The following ADCY9 variants were observed in gnomAD, a reference collection of about 807,000 sequenced individuals.
ADCY9 encodes the protein adenylate cyclase 9, also known as adenylate cyclase type 9.
In ADCY9, 50 loss-of-function variants were observed where a neutral mutation model predicts 101.5. The observed-to-expected ratio is 0.49, with a 90% confidence interval of 0.39 to 0.62. ADCY9 has a LOEUF of 0.62. Among genes scored for constraint, ADCY9 ranks in the 20% least tolerant of loss-of-function variants. ADCY9 has a pLI of 0.00. For missense variants in ADCY9, 1,662 were observed against 1,800.4 expected (o/e 0.92, Z 1.39); for synonymous variants, 905 against 769.3 (o/e 1.18, Z -2.92).
intron 3 of ADCY9, among the ~76,000 whole-genome samples, chr16:3,995,422 C>T (rs1443967542): frequency 6.6e-6 from 1 of 151,874 alleles, no homozygotes; most frequent in Admixed American, 6.6e-5. Flanking sequence ...GAGAAAGACC[C>T]TGTCTTAAAA....
At chr16:4,049,388 C>T (rs568861586) in intron 2 of ADCY9, among the ~76,000 whole-genome samples, 4 of 152,144 alleles carry the variant, frequency 2.6e-5, no homozygotes, top group Admixed American at 6.5e-5. Context: ...CACCCACCAC[C>T]GACACTGGCA....
At chr16:4,001,277 CCT>C (rs2056328842) in intron 3 of ADCY9, among the ~76,000 whole-genome samples, 2 of 152,176 alleles carry the variant, frequency 1.3e-5, no homozygotes, top group Admixed American at 6.5e-5. Context: ...TATGGGGGTT[CCT>C]CTGTCTTTCT....
chr16:4,053,400 T>C, intron 2 of ADCY9, among the ~76,000 whole-genome samples: 1 of 147,882 alleles, frequency 6.8e-6, no homozygotes, highest in Non-Finnish European at 1.5e-5. Flanking sequence ...CACTGAGACA[T>C]AAAATAATAT....
At chr16:4,109,994 T>C (rs1051673245) in intron 2 of ADCY9, among the ~76,000 whole-genome samples, 5 of 151,832 alleles carry the variant, frequency 3.3e-5, no homozygotes, top group African/African-American at 4.8e-5. Flanking sequence ...GGCCCAGCCA[T>C]ACCCACCTCT....
At chr16:4,034,457 T>A (rs2056576526) in intron 2 of ADCY9, among the ~76,000 whole-genome samples, 1 of 152,192 alleles carries the variant, frequency 6.6e-6, no homozygotes, top group Admixed American at 6.5e-5. Context: ...TCACCCAGGC[T>A]GGAGTGCACT....
intron 2 of ADCY9, among the ~76,000 whole-genome samples, chr16:4,038,280 CAA>C (rs71394643): frequency 2.0e-4 from 22 of 108,008 alleles, no homozygotes; most frequent in Admixed American, 4.1e-4. Flanking sequence ...GATTCTGTCT[CAA>C]AAAAAAAAAA....
intron 2 of ADCY9, among the ~76,000 whole-genome samples, chr16:4,106,838 G>A (rs1042641977): frequency 2.0e-4 from 30 of 152,148 alleles, no homozygotes; most frequent in African/African-American, 7.0e-4. Context: ...CCAATATGCA[G>A]AAACATAATT....
At chr16:3,988,777 G>C (rs191113828) in intron 6 of ADCY9, among the ~76,000 whole-genome samples, 12 of 152,340 alleles carry the variant, frequency 7.9e-5, no homozygotes, top group Admixed American at 7.2e-4. Flanking sequence ...TAATGGCGAG[G>C]CTGCGCTTTA....
chr16:4,067,608 C>T (rs2056808260), intron 2 of ADCY9, among the ~76,000 whole-genome samples: 2 of 152,120 alleles, frequency 1.3e-5, no homozygotes, highest in South Asian at 4.1e-4. Flanking sequence ...GGTAGCTCTA[C>T]CCACCCCAGA....
chr16:4,007,744 T>C (rs912813722), intron 2 of ADCY9, among the ~76,000 whole-genome samples, 186 bp from the exon 3 acceptor site: 2 of 151,980 alleles, frequency 1.3e-5, no homozygotes, highest in African/African-American at 4.8e-5. Flanking sequence ...AGGGAGACCG[T>C]GGGCCCCCGA....
At chr16:4,053,666 T>A (rs985910123) in intron 2 of ADCY9, among the ~76,000 whole-genome samples, 15 of 109,644 alleles carry the variant, frequency 1.4e-4, no homozygotes, top group African/African-American at 5.5e-4. Flanking sequence ...ACCGGCAAGG[T>A]CACAAAATAT....
Position 3,979,268 on chromosome 16 carries a change from ACAC to A in ADCY9, c.2524_2526del (p.Val842del), listed in dbSNP as rs768183104. The A allele has an allele frequency of 6.2e-7, 1 of 1,613,740 alleles. No individual in the cohort carries two copies. Among genetic ancestry groups the A allele is most frequent in the East Asian group, 2.2e-5 (1 of 44,876 alleles). On this transcript the variant is annotated inframe_deletion, in exon 8 of 11. Transcript: ENST00000294016. Reference sequence around the variant, plus strand: ...CAGGCCATGACGTCCTCCAGGAAGAACACCATCCTGCGAGAGGCATGGGGGTTA... The same window carrying A: ...CAGGCCATGACGTCCTCCAGGAAGAACATCCTGCGAGAGGCATGGGGGTTA...
intron 9 of ADCY9, 138 bp downstream of exon 9, chr16:3,977,344 T>C: frequency 9.0e-7 from 1 of 1,117,274 alleles, no homozygotes; most frequent in Non-Finnish European, 1.3e-6. Context: ...TGATGTGTGC[T>C]GACAGCTATT....
chr16:4,016,641 G>T (rs948438386), intron 2 of ADCY9, among the ~76,000 whole-genome samples: 1 of 152,144 alleles, frequency 6.6e-6, no homozygotes, highest in Admixed American at 6.6e-5. Flanking sequence ...AGACTAGGTA[G>T]CCACTAAATA....
chr16:4,059,380 A>C (rs6500569), intron 2 of ADCY9, among the ~76,000 whole-genome samples: 1,361 of 11,798 alleles, frequency 0.12, 9 homozygotes, highest in African/African-American at 0.22. Context: ...GAATCCATCG[A>C]AAAAAAAAAA....
At chr16:3,983,476 G>A (rs766955995) in intron 6 of ADCY9, 36 bp from the exon 7 acceptor site, 1 of 1,541,752 alleles carries the variant, frequency 6.5e-7, no homozygotes, top group East Asian at 2.4e-5. Context: ...ATGACTGGGA[G>A]GCCATGGGCG....
chr16:4,008,214 A>G (rs2056380388), intron 2 of ADCY9, among the ~76,000 whole-genome samples: 1 of 152,070 alleles, frequency 6.6e-6, no homozygotes, highest in Non-Finnish European at 1.5e-5. Flanking sequence ...GAAAAAAAAA[A>G]AAAAGGTGGT....
In ADCY9 at chr16:3,992,499, C is replaced by G; in HGVS notation, c.1990-136G>C. 1 of 746,068 alleles carries G rather than the reference C, an allele frequency of 1.3e-6. No homozygotes were observed. The highest frequency in any genetic ancestry group is 2.2e-6 in the Non-Finnish European group (1 of 463,194). The allele number at this position is 746,068 out of a possible 1,614,324, so 46.2% of individuals were successfully genotyped here. A position where few individuals can be genotyped will look rare whatever the true frequency, so the allele number is the denominator to read the frequency against. ...GTGGGACTTTCTGACCTGCGAGGAA[C>G]CCCCACCCCCCTGCGCCTACAGACC... On this transcript the variant is annotated intron_variant, in intron 4 of 10. Coordinates refer to ENST00000294016, the MANE Select transcript of ADCY9 (RefSeq NM_001116.4). The surrounding 1 kb of genome is among the most constrained non-coding windows in gnomAD (Gnocchi z 4.2).
intron 3 of ADCY9, among the ~76,000 whole-genome samples, chr16:3,996,222 C>G (rs955326272): frequency 1.3e-5 from 2 of 152,050 alleles, no homozygotes; most frequent in Admixed American, 1.3e-4. Context: ...ATTAGCTGAC[C>G]TTGATGGCAC....
Sources: gnomAD v4.1 joint callset for allele counts (sites outside exome capture counted in the v4.1 genomes callset) on GRCh38, gnomAD v4.1.1 for gene constraint, Gnocchi (gnomAD v3.1) non-coding constraint, MANE v1.5 for transcripts, NCBI Gene and HGNC (gene_info 2026-07-23, HGNC 2026-07-21) for gene names.